NCKAP1L: variants seen among roughly 807,000 people sequenced by gnomAD.
NCKAP1L encodes the protein NCK associated protein 1 like, also known as nck-associated protein 1-like.
In NCKAP1L, 53 loss-of-function variants were observed where a neutral mutation model predicts 139.2. The observed-to-expected ratio is 0.38, with a 90% CI of 0.31 to 0.48. The LOEUF (loss-of-function observed/expected upper bound fraction) is 0.48. NCKAP1L is among the 20% of genes least tolerant of loss of function. The pLI is 0.98. For synonymous variants in NCKAP1L, 468 were observed against 499.7 expected (o/e 0.94, Z 0.85); for missense variants, 1,151 against 1,381.9 (o/e 0.83, Z 2.65).
chr12:54,503,403 T>A (rs55739211), intron 3 of NCKAP1L, among the ~76,000 whole-genome samples: 6 of 152,026 alleles, frequency 3.9e-5, no homozygotes, highest in Non-Finnish European at 8.8e-5. Context: ...TTTAGAAATT[T>A]GTCATAAGGA....
intron 5 of NCKAP1L, among the ~76,000 whole-genome samples, 183 bp from the exon 6 acceptor site, chr12:54,509,486 A>G (rs1956869494): frequency 6.6e-6 from 1 of 152,230 alleles, no homozygotes; most frequent in African/African-American, 2.4e-5. Context: ...CTATTTAGCC[A>G]TAGCTTAGTA....
At chr12:54,535,218 C>T (rs375527803) in intron 27 of NCKAP1L, 21 bp downstream of exon 27, 34 of 1,590,522 alleles carry the variant, frequency 2.1e-5, no homozygotes, top group Middle Eastern at 1.7e-4. Context: ...GGAAAGGGGG[C>T]GAGATTTGGG....
At chr12:54,537,199 T>C in intron 29 of NCKAP1L, 146 bp downstream of exon 29, 1 of 543,996 alleles carries the variant, frequency 1.8e-6, no homozygotes, top group Non-Finnish European at 3.3e-6. Flanking sequence ...AGCTACTATG[T>C]GAAAGGCAAG....
In NCKAP1L at chr12:54,497,856, CA is replaced by C. The variant is rs768927863; in HGVS notation, c.68del (p.Gln23ArgfsTer43). 8 of 1,613,208 alleles carry C rather than the reference CA, an allele frequency of 5.0e-6. No homozygotes were observed. Among genetic ancestry groups the C allele is most frequent in the Non-Finnish European group, 1.7e-6 (2 of 1,179,140 alleles). On this transcript the variant is annotated frameshift_variant, in exon 1 of 31. Coordinates refer to ENST00000293373, the MANE Select transcript of NCKAP1L (RefSeq NM_005337.5). LOFTEE classifies it high-confidence loss of function. The part of the protein sequence containing the change: ...EKLTILNDRG[Q>X]GVLIRMYNIK... Reference sequence around the variant, plus strand: ...GCTCACTATCCTGAATGATCGCGGTCAGGGGGTTCTCATCCGTATGTATAAC... The same window carrying C: ...GCTCACTATCCTGAATGATCGCGGTCGGGGGTTCTCATCCGTATGTATAAC...
chr12:54,507,042 A>T (rs901087220), intron 3 of NCKAP1L, among the ~76,000 whole-genome samples: 3 of 151,598 alleles, frequency 2.0e-5, no homozygotes, highest in African/African-American at 7.3e-5. Flanking sequence ...AAGCAAAATT[A>T]CAAGCAGGGA....
chr12:54,534,755 G>A (rs2120967167), intron 26 of NCKAP1L, among the ~76,000 whole-genome samples: 1 of 152,302 alleles, frequency 6.6e-6, no homozygotes, highest in African/African-American at 2.4e-5. Flanking sequence ...TTTGTACGAT[G>A]GAGTGTCCCA....
chr12:54,500,900 C>T, intron 3 of NCKAP1L: 1 of 263,710 alleles, frequency 3.8e-6, no homozygotes, highest in Non-Finnish European at 7.3e-6. Context: ...TTAAAAATAA[C>T]TACCTTTGGG....
At chr12:54,520,163 G>T (rs2120926971) in intron 16 of NCKAP1L, among the ~76,000 whole-genome samples, 1 of 152,252 alleles carries the variant, frequency 6.6e-6, no homozygotes, top group East Asian at 1.9e-4. Flanking sequence ...ATGTAGTTGG[G>T]GAGATATAAT....
At chr12:54,500,229 T>C (rs1956786990) in intron 2 of NCKAP1L, among the ~76,000 whole-genome samples, 1 of 152,102 alleles carries the variant, frequency 6.6e-6, no homozygotes. Flanking sequence ...GTTCAAGTGA[T>C]TCTTCTGACT....
At chr12:54,525,567 A>T (rs1279599143) in intron 20 of NCKAP1L, among the ~76,000 whole-genome samples, 1 of 152,172 alleles carries the variant, frequency 6.6e-6, no homozygotes, top group Non-Finnish European at 1.5e-5. Context: ...CTTCACTGAC[A>T]TCATTGTTCC....
intron 3 of NCKAP1L, among the ~76,000 whole-genome samples, chr12:54,503,787 T>G (rs1183199143): frequency 6.6e-6 from 1 of 151,790 alleles, no homozygotes; most frequent in East Asian, 1.9e-4. Context: ...TACAGGCACG[T>G]GCCACCACGC....
chr12:54,533,492 A>T lies in NCKAP1L; in HGVS notation c.2862+1242A>T, dbSNP rs7969530. The stretch of plus-strand genomic sequence containing the variant: ...CATTTAGGTAGTAGGGGATTTAAAT[A>T]AGGGCAGAACAGAAGGTGGCAAAGA... On this transcript the variant is annotated intron_variant, in intron 26 of 30. Transcript: ENST00000293373. Among the ~76,000 whole-genome samples, 1,270 of 152,302 alleles carry T rather than the reference A, an allele frequency of 8.3e-3. 9 individuals are homozygous for T. The highest frequency in any genetic ancestry group is 0.013 in the Non-Finnish European group (908 of 68,018).
intron 22 of NCKAP1L, among the ~76,000 whole-genome samples, chr12:54,529,271 A>G (rs575154492): frequency 6.6e-6 from 1 of 152,298 alleles, no homozygotes; most frequent in African/African-American, 2.4e-5. Flanking sequence ...TCCAGTGTCT[A>G]GAAGTGCTTT....
At chr12:54,523,623 A>G in intron 19 of NCKAP1L, 84 bp downstream of exon 19, 1 of 1,519,000 alleles carries the variant, frequency 6.6e-7, no homozygotes, top group East Asian at 2.3e-5. Flanking sequence ...CACAGAAAGA[A>G]AAGAGCGCAA....
At chr12:54,533,013 T>C (rs1957085080) in intron 26 of NCKAP1L, among the ~76,000 whole-genome samples, 1 of 152,340 alleles carries the variant, frequency 6.6e-6, no homozygotes, top group East Asian at 1.9e-4. Flanking sequence ...ATTAAAGTTA[T>C]GTGTTAAGAA....
rs184406299 is a variant in NCKAP1L at position 54,509,954 on chromosome 12, C to A, written c.704C>A (p.Pro235Gln). 8 of 1,614,138 alleles carry A rather than the reference C, an allele frequency of 5.0e-6. No homozygotes were observed. The highest frequency in any genetic ancestry group is 6.8e-6 in the Non-Finnish European group (8 of 1,180,042). Residue 235 changes from proline (P) to glutamine (Q), a missense_variant, in exon 7 of 31, where the codon CCA becomes CAA. Physicochemically the swap from Pro to Gln is moderately conservative, Grantham distance 76. Coordinates refer to ENST00000293373, the MANE Select transcript of NCKAP1L (RefSeq NM_005337.5). ...CTTCTAAGCCTCATCAGCAACCCCC[C>A]AGCCATGATTAACCCTGCTAATTCA... ...AQLLSLISNP[P>Q]AMINPANSDT...
intron 3 of NCKAP1L, among the ~76,000 whole-genome samples, chr12:54,506,109 A>G (rs1250148083): frequency 1.3e-5 from 2 of 152,172 alleles, no homozygotes; most frequent in African/African-American, 4.8e-5. Context: ...CTTTGTGGGG[A>G]CATATTTTTC....
At chr12:54,500,695 T>C (rs562990204) in intron 3 of NCKAP1L, 70 bp downstream of exon 3, 6 of 980,732 alleles carry the variant, frequency 6.1e-6, no homozygotes, top group Admixed American at 1.9e-5. Context: ...TAGATGTTCA[T>C]GTATTTGCTT....
intron 1 of NCKAP1L, 121 bp downstream of exon 1, chr12:54,498,012 T>C (rs1312233836): frequency 1.6e-6 from 1 of 630,612 alleles, no homozygotes; most frequent in South Asian, 1.8e-5. Context: ...CCACTGACTA[T>C]AATCTACATA....
Sources: allele counts gnomAD v4.1 joint callset (sites outside exome capture counted in the v4.1 genomes callset), GRCh38; gene constraint gnomAD v4.1.1; transcripts MANE v1.5; gene names NCBI Gene and HGNC (gene_info 2026-07-23, HGNC 2026-07-21).